The following GPRC5D variants were observed in gnomAD, a reference collection of about 807,000 sequenced individuals.
The protein encoded by GPRC5D is G protein-coupled receptor family C group 5 member D.
A neutral mutation model predicts 29.3 loss-of-function variants in GPRC5D; 20 were observed. That is an observed-to-expected ratio of 0.68 (90% confidence interval 0.48 to 0.99). GPRC5D has a LOEUF of 0.99. Among genes scored for constraint, GPRC5D ranks in the 50% least tolerant of loss-of-function variants. The pLI, the probability that GPRC5D is intolerant of heterozygous loss-of-function variation, is 0.00. For missense variants in GPRC5D, 384 were observed against 423.6 expected (o/e 0.91, Z 0.82); for synonymous variants, 178 against 171.3 (o/e 1.04, Z -0.30).
At chr12:12,951,703 A>G (rs557002498), upstream of GPRC5D, among the ~76,000 whole-genome samples, 6 of 152,360 alleles carry the variant, frequency 3.9e-5, no homozygotes, top group Non-Finnish European at 8.8e-5. Context: ...GCCAACATTA[A>G]TGGATCATTG....
rs1863320721 is a variant in GPRC5D, at chr12:12,946,291, TC to T, written c.895+3198del. ...TTCTTCCTTCCTTCCTTCCTTCCTT[TC>T]TTCCTTCCTTCCTTCCTTTTCTTTC... On this transcript the variant is annotated intron_variant, in intron 1 of 2. Coordinates refer to ENST00000228887, the Ensembl canonical transcript of GPRC5D. Among the ~76,000 whole-genome samples the T allele has an allele frequency of 1.2e-3, 98 of 84,520 alleles. 1 individual carries two copies. Among genetic ancestry groups the T allele is most frequent in the African/African-American group, 4.2e-3 (96 of 22,654 alleles). The allele number at this position is 84,520 out of a possible 152,430, so 55.4% of individuals were successfully genotyped here.
At chr12:12,950,952 CAT>C (rs1377485534), upstream of GPRC5D, among the ~76,000 whole-genome samples, 1 of 151,546 alleles carries the variant, frequency 6.6e-6, no homozygotes, top group Non-Finnish European at 1.5e-5. Context: ...TAAAAACACA[CAT>C]AAAAAATTAG....
intron 1 of GPRC5D, among the ~76,000 whole-genome samples, chr12:12,942,551 A>G (rs1312038106): frequency 6.6e-6 from 1 of 152,204 alleles, no homozygotes; most frequent in Admixed American, 6.5e-5. Flanking sequence ...CCTGGCCAAC[A>G]TGGCAAAACC....
At chr12:12,943,246 C>G (rs1331770465) in intron 1 of GPRC5D, among the ~76,000 whole-genome samples, 1 of 152,188 alleles carries the variant, frequency 6.6e-6, no homozygotes, top group African/African-American at 2.4e-5. Flanking sequence ...CTGTGCCTGT[C>G]TCTAAGAGCA....
At chr12:12,943,184 T>C (rs547335967) in intron 1 of GPRC5D, among the ~76,000 whole-genome samples, 6 of 152,338 alleles carry the variant, frequency 3.9e-5, no homozygotes, top group Admixed American at 6.5e-5. Flanking sequence ...ACATAGGTAT[T>C]TGTTTAATGG....
At position 12,942,329 on chromosome 12, in the gene GPRC5D, C is replaced by G; in HGVS notation, c.896-1G>C. The stretch of plus-strand genomic sequence containing the variant: ...TCCTCAGCTCCATCACTGTCTCGGG[C>G]TGAAAGCCAAAGGAGGGAAGGGCTG... On this transcript the variant is annotated splice_acceptor_variant, in intron 1 of 2. Transcript: ENST00000228887. LOFTEE classifies it high-confidence loss of function. 1 of 1,610,018 alleles carries G rather than the reference C, an allele frequency of 6.2e-7. No homozygotes were observed. The highest frequency in any genetic ancestry group is 8.5e-7 in the Non-Finnish European group (1 of 1,176,238).
intron 1 of GPRC5D, among the ~76,000 whole-genome samples, chr12:12,943,305 G>A (rs1055667716): frequency 9.9e-5 from 15 of 152,098 alleles, no homozygotes; most frequent in Non-Finnish European, 1.6e-4. Context: ...AGACATAACC[G>A]TGTTAGTAGG....
At position 12,942,374 on chromosome 12, in the gene GPRC5D, A is replaced by G. The variant is rs778899601; in HGVS notation, c.896-46T>C. 5.8e-6 allele frequency: 7 copies of G among 1,203,978 alleles called. No homozygotes were observed. In the African/African-American group the frequency reaches 6.0e-5, roughly 10 times the overall value. The allele number at this position is 1,203,978 out of a possible 1,614,324, so 74.6% of individuals were successfully genotyped here. ...GGGCTGGGTTAGTGTCCGAGAGTCA[A>G]TCGGAAACAGCACATGAGGACTACA... On this transcript the variant is annotated intron_variant, in intron 1 of 2. Coordinates refer to ENST00000228887, the Ensembl canonical transcript of GPRC5D.
Position 12,942,338 on chromosome 12 carries a change from A to G in GPRC5D, c.896-10T>C. ...CCATCACTGTCTCGGGCTGAAAGCC[A>G]AAGGAGGGAAGGGCTGGGTTAGTGT... On this transcript the variant is annotated splice_polypyrimidine_tract_variant and intron_variant, in intron 1 of 2. Coordinates refer to ENST00000228887, the Ensembl canonical transcript of GPRC5D. 1 of 1,602,386 alleles carries G rather than the reference A, an allele frequency of 6.2e-7. No individual in the cohort carries two copies. The highest frequency in any genetic ancestry group is 8.6e-7 in the Non-Finnish European group (1 of 1,169,306).
upstream of GPRC5D, chr12:12,950,442 G>C: frequency 8.3e-7 from 1 of 1,204,782 alleles, no homozygotes. Flanking sequence ...GCAGAAAAAG[G>C]ATGAGACAAA....
At chr12:12,943,094 A>G (rs7976311) in intron 1 of GPRC5D, among the ~76,000 whole-genome samples, 124,053 of 152,140 alleles carry the variant, frequency 0.82, 52,033 homozygotes, top group Non-Finnish European at 0.91. Context: ...ACCATGTCTC[A>G]CCTGAATTCA....
chr12:12,950,748 A>G (rs1592379609), upstream of GPRC5D, among the ~76,000 whole-genome samples: 1 of 152,008 alleles, frequency 6.6e-6, no homozygotes, highest in South Asian at 2.1e-4. Context: ...CAGAGTTTAC[A>G]TTGAGCCGAG....
chr12:12,946,292 CTTCCTTCCTTCCTTCCT>C (rs1565478300), intron 1 of GPRC5D, among the ~76,000 whole-genome samples: 8,836 of 39,062 alleles, frequency 0.23, 313 homozygotes, highest in East Asian at 0.27. Flanking sequence ...TCCTTCCTTT[CTTCCTTCCTTCCTTCCT>C]TTTCTTTCTT....
upstream of GPRC5D, among the ~76,000 whole-genome samples, chr12:12,951,426 A>C (rs1233415469): frequency 6.6e-6 from 1 of 152,242 alleles, no homozygotes; most frequent in East Asian, 1.9e-4. Context: ...GGGAAATGCC[A>C]TCACACATAT....
intron 1 of GPRC5D, among the ~76,000 whole-genome samples, chr12:12,945,131 G>A (rs938815613): frequency 2.0e-5 from 3 of 151,384 alleles, no homozygotes; most frequent in Non-Finnish European, 4.4e-5. Context: ...AGCCTCACAA[G>A]TAGCAGGGAC....
intron 1 of GPRC5D, among the ~76,000 whole-genome samples, chr12:12,945,452 C>A (rs931556368): frequency 3.9e-5 from 6 of 152,206 alleles, no homozygotes; most frequent in African/African-American, 1.4e-4. Context: ...AAGATTTCTG[C>A]TCTTTATATC....
intron 1 of GPRC5D, among the ~76,000 whole-genome samples, chr12:12,945,963 G>A (rs1565478034): frequency 6.6e-6 from 1 of 152,198 alleles, no homozygotes; most frequent in Non-Finnish European, 1.5e-5. Flanking sequence ...GTGTCCTACA[G>A]TAATACACCT....
chr12:12,947,600 T>A (rs1863384494), intron 1 of GPRC5D, among the ~76,000 whole-genome samples: 1 of 144,182 alleles, frequency 6.9e-6, no homozygotes. Flanking sequence ...GGTCTCGTTC[T>A]GTCACCCAGG....
At chr12:12,942,311 C>A in exon 2 of GPRC5D, 1 of 1,612,856 alleles carries the variant, frequency 6.2e-7, no homozygotes, top group Non-Finnish European at 8.5e-7. Context: ...TCCTCCTCAG[C>A]TCCATCACTG....
Sources: allele counts gnomAD v4.1 joint callset (sites outside exome capture counted in the v4.1 genomes callset), GRCh38; gene constraint gnomAD v4.1.1; transcripts MANE v1.5; gene names NCBI Gene and HGNC (gene_info 2026-07-23, HGNC 2026-07-21).